UBE2E2: variants seen among roughly 807,000 people sequenced by gnomAD.
The protein encoded by UBE2E2 is ubiquitin conjugating enzyme E2 E2.
Under a neutral mutation model 24.7 loss-of-function variants are expected in UBE2E2, and 6 were observed. That is an observed-to-expected ratio of 0.24 (90% CI 0.13 to 0.48). The LOEUF is 0.48. UBE2E2 is among the 20% of genes least tolerant of loss of function. The pLI is 0.99. For missense variants in UBE2E2, 169 were observed against 245.0 expected (o/e 0.69, Z 2.07); for synonymous variants, 104 against 83.6 (o/e 1.24, Z -1.33).
intron 3 of UBE2E2, among the ~76,000 whole-genome samples, chr3:23,482,043 C>T (rs1699270491): frequency 6.6e-6 from 1 of 152,156 alleles, no homozygotes; most frequent in African/African-American, 2.4e-5. Flanking sequence ...TTACAACAGC[C>T]AACTGCAAAA....
At chr3:23,580,933 A>C (rs1222970810) in intron 5 of UBE2E2, among the ~76,000 whole-genome samples, 1 of 152,242 alleles carries the variant, frequency 6.6e-6, no homozygotes, top group African/African-American at 2.4e-5. Flanking sequence ...CTTAAGTTTT[A>C]AAAATCCTTA....
intron 4 of UBE2E2, among the ~76,000 whole-genome samples, chr3:23,529,545 C>G (rs1273813719): frequency 6.6e-6 from 1 of 152,210 alleles, no homozygotes; most frequent in African/African-American, 2.4e-5. Flanking sequence ...ATTCTGGCTT[C>G]CACTTACCAC....
intron 5 of UBE2E2, among the ~76,000 whole-genome samples, chr3:23,551,208 G>C (rs1025876611): frequency 1.3e-5 from 2 of 152,096 alleles, no homozygotes; most frequent in Non-Finnish European, 2.9e-5. Context: ...TAAAAGGCAA[G>C]AAAAGAGAAT....
intron 3 of UBE2E2, among the ~76,000 whole-genome samples, chr3:23,409,803 T>C (rs1206460930): frequency 6.6e-6 from 1 of 152,188 alleles, no homozygotes; most frequent in Non-Finnish European, 1.5e-5. Flanking sequence ...TCTTCCTGTC[T>C]TCTGGTGGCT....
intron 3 of UBE2E2, among the ~76,000 whole-genome samples, chr3:23,334,173 TAAAA>T (rs1203089625): frequency 6.6e-6 from 1 of 152,208 alleles, no homozygotes; most frequent in Non-Finnish European, 1.5e-5. Context: ...TTTTTGCCAT[TAAAA>T]GTAATGGCAA....
At chr3:23,317,468 G>A (rs1387465394) in intron 3 of UBE2E2, among the ~76,000 whole-genome samples, 1 of 152,144 alleles carries the variant, frequency 6.6e-6, no homozygotes, top group East Asian at 1.9e-4. Context: ...TGGATGGGGA[G>A]GTGTATTAGT....
intron 5 of UBE2E2, among the ~76,000 whole-genome samples, chr3:23,574,151 AT>A (rs1696289830): frequency 6.6e-6 from 1 of 152,142 alleles, no homozygotes; most frequent in African/African-American, 2.4e-5. Flanking sequence ...GTTCTCACTT[AT>A]TTGTGAGCGC....
chr3:23,586,825 A>C (rs1696637068), intron 5 of UBE2E2, among the ~76,000 whole-genome samples: 1 of 152,294 alleles, frequency 6.6e-6, no homozygotes, highest in East Asian at 1.9e-4. Flanking sequence ...ACAATTATCT[A>C]TGTAAAAAGT....
intron 3 of UBE2E2, among the ~76,000 whole-genome samples, chr3:23,235,665 GT>G (rs1697084963): frequency 6.6e-6 from 1 of 152,116 alleles, no homozygotes; most frequent in Admixed American, 6.5e-5. Context: ...TTTGAAGTAT[GT>G]TTTTTGAAGG....
intron 3 of UBE2E2, among the ~76,000 whole-genome samples, chr3:23,358,579 C>A (rs1313336468): frequency 1.3e-5 from 2 of 152,068 alleles, no homozygotes; most frequent in Admixed American, 6.5e-5. Flanking sequence ...TTGAAAAAAA[C>A]AATCTGAGAA....
chr3:23,563,165 G>A (rs1400732332), intron 5 of UBE2E2, among the ~76,000 whole-genome samples: 2 of 152,106 alleles, frequency 1.3e-5, no homozygotes, highest in Non-Finnish European at 2.9e-5. Context: ...TGATGTTAGG[G>A]TGTCAATTTT....
chr3:23,414,821 C>T (rs1381112940), intron 3 of UBE2E2, among the ~76,000 whole-genome samples: 2 of 152,176 alleles, frequency 1.3e-5, no homozygotes, highest in Non-Finnish European at 2.9e-5. Flanking sequence ...TATGAGAACA[C>T]GTAAGGTGCC....
intron 3 of UBE2E2, among the ~76,000 whole-genome samples, chr3:23,439,595 A>T (rs1441055482): frequency 6.6e-6 from 1 of 152,210 alleles, no homozygotes; most frequent in Non-Finnish European, 1.5e-5. Context: ...AATGAATTAT[A>T]CATACTCTTA....
At chr3:23,526,421 G>T (rs1481113503) in intron 4 of UBE2E2, among the ~76,000 whole-genome samples, 2 of 152,100 alleles carry the variant, frequency 1.3e-5, no homozygotes, top group African/African-American at 4.8e-5. Flanking sequence ...ACAATAAGAG[G>T]TTATAACCCC....
intron 3 of UBE2E2, among the ~76,000 whole-genome samples, chr3:23,354,619 C>G (rs933188930): frequency 1.3e-5 from 2 of 152,094 alleles, no homozygotes; most frequent in Admixed American, 6.5e-5. Flanking sequence ...CCAAAAAACA[C>G]GTGAAAAAAT....
intron 3 of UBE2E2, among the ~76,000 whole-genome samples, chr3:23,393,480 G>T (rs1193208187): frequency 1.3e-5 from 2 of 152,160 alleles, no homozygotes; most frequent in African/African-American, 4.8e-5. Context: ...ATCAGGTCCT[G>T]CCCTGGATTT....
chr3:23,365,348 G>A (rs1201707614), intron 3 of UBE2E2, among the ~76,000 whole-genome samples: 2 of 152,072 alleles, frequency 1.3e-5, no homozygotes, highest in Non-Finnish European at 2.9e-5. Flanking sequence ...CAGATGATAT[G>A]GTTCTATAAC....
intron 3 of UBE2E2, among the ~76,000 whole-genome samples, chr3:23,311,922 C>T (rs1241051299): frequency 6.6e-6 from 1 of 152,090 alleles, no homozygotes; most frequent in East Asian, 1.9e-4. Context: ...CACCAAATCT[C>T]ATGTTGAATT....
chr3:23,527,236 T>G (rs1695018944), intron 4 of UBE2E2, among the ~76,000 whole-genome samples: 1 of 152,192 alleles, frequency 6.6e-6, no homozygotes, highest in African/African-American at 2.4e-5. Flanking sequence ...ACAACCACTC[T>G]GGGAAGGAGT....
Sources: allele counts gnomAD v4.1 joint callset (sites outside exome capture counted in the v4.1 genomes callset), GRCh38; gene constraint gnomAD v4.1.1; transcripts MANE v1.5; gene names NCBI Gene and HGNC (gene_info 2026-07-23, HGNC 2026-07-21).